AKR1C8: variants seen among roughly 807,000 people sequenced by gnomAD.
The protein encoded by AKR1C8 is aldo-keto reductase family 1 member C-like protein 1.
At chr10:5,177,588 G>T in the AKR1C8 span, among the ~76,000 whole-genome samples, 1 of 152,100 alleles carries the variant, frequency 6.6e-6, no homozygotes, top group Non-Finnish European at 1.5e-5. Context: ...GGTAGAATTC[G>T]GCTGTGAATC....
the AKR1C8 span, among the ~76,000 whole-genome samples, chr10:5,178,724 C>T: frequency 1.2e-4 from 18 of 152,140 alleles, no homozygotes; most frequent in African/African-American, 4.3e-4. Flanking sequence ...GATCCCTTTA[C>T]CATTATGTAA....
At chr10:5,143,715 ATATATAT>A in the AKR1C8 span, among the ~76,000 whole-genome samples, 3 of 147,912 alleles carry the variant, frequency 2.0e-5, no homozygotes, top group Non-Finnish European at 4.5e-5. Flanking sequence ...ATATATTTAG[ATATATAT>A]TATATATAAT....
the AKR1C8 span, among the ~76,000 whole-genome samples, chr10:5,145,993 A>T: frequency 6.6e-6 from 1 of 152,018 alleles, no homozygotes; most frequent in Non-Finnish European, 1.5e-5. Flanking sequence ...TGTGGCACAT[A>T]TACACCATGG....
At chr10:5,138,368 T>A in the AKR1C8 span, among the ~76,000 whole-genome samples, 6 of 152,154 alleles carry the variant, frequency 3.9e-5, no homozygotes, top group Non-Finnish European at 8.8e-5. Context: ...TACTTGCACG[T>A]CCATTTATAG....
the AKR1C8 span, among the ~76,000 whole-genome samples, chr10:5,138,483 C>T: frequency 6.6e-6 from 1 of 151,978 alleles, no homozygotes; most frequent in Non-Finnish European, 1.5e-5. Flanking sequence ...TTATTCTGTT[C>T]TTTTTCAAGG....
At chr10:5,173,144 G>A in the AKR1C8 span, among the ~76,000 whole-genome samples, 1 of 152,046 alleles carries the variant, frequency 6.6e-6, no homozygotes, top group African/African-American at 2.4e-5. Flanking sequence ...GTTATTTTAG[G>A]GTTTTTTATG....
At chr10:5,141,603 C>T in the AKR1C8 span, among the ~76,000 whole-genome samples, 1 of 152,072 alleles carries the variant, frequency 6.6e-6, no homozygotes, top group Non-Finnish European at 1.5e-5. Flanking sequence ...TATCCATGTA[C>T]TGAAGAATAA....
At chr10:5,124,704 G>T in the AKR1C8 span, among the ~76,000 whole-genome samples, 1 of 152,002 alleles carries the variant, frequency 6.6e-6, no homozygotes, top group African/African-American at 2.4e-5. Context: ...ATATGTTGTG[G>T]AATATAACTT....
At chr10:5,173,748 T>C in the AKR1C8 span, among the ~76,000 whole-genome samples, 4 of 152,150 alleles carry the variant, frequency 2.6e-5, no homozygotes, top group East Asian at 3.9e-4. Context: ...AAAATTTTAA[T>C]TAATGAAAAA....
chr10:5,164,117 T>C, the AKR1C8 span, among the ~76,000 whole-genome samples: 2 of 152,122 alleles, frequency 1.3e-5, no homozygotes, highest in African/African-American at 4.8e-5. Context: ...CCAAGGTCCT[T>C]GGTCAAGCTT....
the AKR1C8 span, among the ~76,000 whole-genome samples, chr10:5,120,343 C>CTG: frequency 1.3e-5 from 2 of 149,200 alleles, no homozygotes; most frequent in Non-Finnish European, 3.0e-5. Context: ...CTCTATATTT[C>CTG]TGTGTGTGTG....
chr10:5,121,398 C>A, the AKR1C8 span, among the ~76,000 whole-genome samples: 1 of 152,194 alleles, frequency 6.6e-6, no homozygotes, highest in Non-Finnish European at 1.5e-5. Context: ...ACACCTCAGT[C>A]ACTAGCACTG....
chr10:5,176,519 T>A, the AKR1C8 span, among the ~76,000 whole-genome samples: 5 of 150,608 alleles, frequency 3.3e-5, no homozygotes, highest in Non-Finnish European at 7.4e-5. Context: ...GTGAAGAAAG[T>A]CATTGGTAGC....
the AKR1C8 span, among the ~76,000 whole-genome samples, chr10:5,160,428 T>C: frequency 6.6e-6 from 1 of 151,988 alleles, no homozygotes; most frequent in Non-Finnish European, 1.5e-5. Flanking sequence ...CAAGGGCAGG[T>C]TCACTGTCCT....
the AKR1C8 span, among the ~76,000 whole-genome samples, chr10:5,167,409 A>C: frequency 1.3e-5 from 2 of 152,252 alleles, no homozygotes; most frequent in Non-Finnish European, 2.9e-5. Flanking sequence ...GATAGACTGG[A>C]TTAAGAAAAT....
At chr10:5,168,469 C>G in the AKR1C8 span, among the ~76,000 whole-genome samples, 7 of 152,062 alleles carry the variant, frequency 4.6e-5, no homozygotes, top group African/African-American at 1.7e-4. Flanking sequence ...AGTCATGGTA[C>G]CACTACAGTC....
chr10:5,178,150 A>G, the AKR1C8 span, among the ~76,000 whole-genome samples: 2 of 152,222 alleles, frequency 1.3e-5, no homozygotes, highest in Admixed American at 1.3e-4. Context: ...CACTGCTTTG[A>G]ATGTGTCCCA....
chr10:5,116,177 C>G, the AKR1C8 span, among the ~76,000 whole-genome samples: 1 of 152,152 alleles, frequency 6.6e-6, no homozygotes, highest in Non-Finnish European at 1.5e-5. Flanking sequence ...AAGTAGTAGA[C>G]TGATTTCATC....
chr10:5,174,177 T>G, the AKR1C8 span, among the ~76,000 whole-genome samples: 5 of 151,842 alleles, frequency 3.3e-5, no homozygotes, highest in East Asian at 9.7e-4. Context: ...AACTCCATCC[T>G]GAGACCAATA....
Sources: allele counts gnomAD v4.1 joint callset (sites outside exome capture counted in the v4.1 genomes callset), GRCh38; gene constraint gnomAD v4.1.1; transcripts MANE v1.5; gene names NCBI Gene and HGNC (gene_info 2026-07-23, HGNC 2026-07-21).